Variants in ADGRA2 observed in about 807,000 individuals in gnomAD.
The protein encoded by ADGRA2 is G-protein coupled receptor 124.
In ADGRA2, 61 loss-of-function variants were observed where a neutral mutation model predicts 98.7. The ratio of observed to expected loss-of-function variants is 0.62; its 90% CI spans 0.50 to 0.76. The LOEUF (loss-of-function observed/expected upper bound fraction) is 0.76, where lower values mean the gene tolerates loss of function less well. ADGRA2 is among the 30% of genes least tolerant of loss of function. The pLI is 0.00. For synonymous variants in ADGRA2, 858 were observed against 831.5 expected, an observed-to-expected ratio of 1.03 and a Z score of -0.55; for missense variants, 1,712 against 1,860.0, an observed-to-expected ratio of 0.92 and a Z score of 1.46.
Position 37,797,952 on chromosome 8 carries a change from C to T in ADGRA2, c.266+418C>T, listed in dbSNP as rs543990731. Among the ~76,000 whole-genome samples, 1 of 152,334 alleles carries T rather than the reference C, an allele frequency of 6.6e-6. No individual in the cohort carries two copies. The highest frequency in any genetic ancestry group is 1.9e-4 in the East Asian group (1 of 5,170). On this transcript the variant is annotated intron_variant, in intron 1 of 18. Transcript: ENST00000412232. The surrounding 1 kb of genome is among the most constrained non-coding windows in gnomAD (Gnocchi z 5.3). ...GAGGGGGCTGTGGTCCTAACCACTA[C>T]GGTCGCGTCCCGGACTGGGCTGGAG...
At chr8:37,815,342 C>T (rs1162051073) in intron 2 of ADGRA2, among the ~76,000 whole-genome samples, 1 of 152,246 alleles carries the variant, frequency 6.6e-6, no homozygotes, top group Non-Finnish European at 1.5e-5. Flanking sequence ...TGACTGCGGC[C>T]CTTTTCCGCC....
chr8:37,830,935 G>A lies in ADGRA2; in HGVS notation c.932+12G>A, dbSNP rs781059816. Reference sequence around the variant, plus strand: ...ACCTTCATCACCAGGTATGAGCCCCGCTGCCCCTCCTCAGGCCTCAGCATG... The same window carrying A: ...ACCTTCATCACCAGGTATGAGCCCCACTGCCCCTCCTCAGGCCTCAGCATG... On this transcript the variant is annotated intron_variant, in intron 7 of 18. Coordinates refer to ENST00000412232, the MANE Select transcript of ADGRA2 (RefSeq NM_032777.10). This position sits in a 1 kb window ranked among gnomAD's most constrained non-coding sequence, Gnocchi z 4.8. The A allele has an allele frequency of 4.0e-5, 62 of 1,553,048 alleles. No individual in the cohort carries two copies. The Admixed American group carries it at 4.0e-4, about 10-fold the overall frequency.
rs564724129 is a variant in ADGRA2, at chr8:37,815,189, G to A, written c.338+222G>A. Reference sequence around the variant, plus strand: ...AGAGACCAGCTCCTCTGCCAGCCACGGCGAGAGAAGTGGGGAGCGGGTTCT... The same window carrying A: ...AGAGACCAGCTCCTCTGCCAGCCACAGCGAGAGAAGTGGGGAGCGGGTTCT... On this transcript the variant is annotated intron_variant, in intron 2 of 18. Transcript: ENST00000412232. 1.6e-4 allele frequency among the ~76,000 whole-genome samples: 25 copies of A among 152,332 alleles called. No homozygotes were observed. The South Asian group carries it at 4.8e-3, about 29-fold the overall frequency.
At chr8:37,820,627 T>G (rs532467312) in intron 2 of ADGRA2, among the ~76,000 whole-genome samples, 3 of 152,248 alleles carry the variant, frequency 2.0e-5, no homozygotes, top group Non-Finnish European at 4.4e-5. Flanking sequence ...CCACAGTCTA[T>G]GAGCAGCACG....
At chr8:37,833,567 A>C (rs1563349848) in intron 9 of ADGRA2, 121 bp from the exon 10 acceptor site, 2 of 1,012,764 alleles carry the variant, frequency 2.0e-6, no homozygotes, top group Admixed American at 2.2e-5. Flanking sequence ...TGAGACCCAG[A>C]AGGTAGGCTG....
chr8:37,835,411 G>C lies in ADGRA2; in HGVS notation c.1833+13G>C, dbSNP rs772691765. On this transcript the variant is annotated intron_variant, in intron 12 of 18. Transcript: ENST00000412232. ...CTTCCACATCAAGGTGGGCGCTGGG[G>C]GAGGGAGAGGGGGTGGGAGAAGGGA... is the stretch of plus-strand genomic sequence containing the variant. 2 of 1,601,094 alleles carry C rather than the reference G, an allele frequency of 1.2e-6. No homozygotes were observed. Among genetic ancestry groups the C allele is most frequent in the Admixed American group, 3.3e-5 (2 of 59,794 alleles).
chr8:37,840,289 T>C (rs745527869), intron 17 of ADGRA2, 23 bp downstream of exon 17: 9 of 1,608,764 alleles, frequency 5.6e-6, no homozygotes, highest in South Asian at 2.2e-5. Flanking sequence ...AATTCCAGCT[T>C]TGCAATTGGG....
Position 37,841,775 on chromosome 8 carries a change from T to A in ADGRA2, c.3437T>A (p.Val1146Glu). Residue 1146 changes from valine to glutamate, a missense_variant, in exon 19 of 19, where the codon GTG (valine) becomes GAG (glutamate). Coordinates refer to ENST00000412232, the MANE Select transcript of ADGRA2 (RefSeq NM_032777.10). This position sits in a 1 kb window ranked among gnomAD's most constrained non-coding sequence, Gnocchi z 5.0. ...AACCTGCAGCTGGCCCAGAGTCAGG[T>A]GTGCGAGGCGGGGGCGGCGGCCGGC... ...LTNLQLAQSQ[V>E]CEAGAAAGGE... 1 of 1,536,848 alleles carries A rather than the reference T, an allele frequency of 6.5e-7. No homozygotes were observed.
In ADGRA2 at chr8:37,800,557, C is replaced by T. The variant is rs186580163; in HGVS notation, c.266+3023C>T. 4.0e-4 allele frequency among the ~76,000 whole-genome samples: 61 copies of T among 152,292 alleles called. 1 individual carries two copies. In the East Asian group the frequency reaches 0.011, roughly 28 times the overall value. On this transcript the variant is annotated intron_variant, in intron 1 of 18. Transcript: ENST00000412232. ...TAAGGGAATTCCAGGGAGAGTGCCC[C>T]ATCCCTGCGCTGGGGGAACAGGGGA...
Position 37,802,008 on chromosome 8 carries a change from GTGCCCACCACGCAGGC to G in ADGRA2, c.266+4483_266+4498del, listed in dbSNP as rs1804522260. ...CGGCCTCCCATTCAGGGAAGCGGGG[GTGCCCACCACGCAGGC>G]TGCCCACCTAGGGGAGAAGAGGCTG... is the stretch of plus-strand genomic sequence containing the variant. On this transcript the variant is annotated intron_variant, in intron 1 of 18. Transcript: ENST00000412232. This position sits in a 1 kb window ranked among gnomAD's most constrained non-coding sequence, Gnocchi z 4.7. Among the ~76,000 whole-genome samples, 1 of 152,240 alleles carries G rather than the reference GTGCCCACCACGCAGGC, an allele frequency of 6.6e-6. No homozygotes were observed. Among genetic ancestry groups the G allele is most frequent in the African/African-American group, 2.4e-5 (1 of 41,468 alleles).
intron 1 of ADGRA2, among the ~76,000 whole-genome samples, chr8:37,804,273 A>G (rs1804597644): frequency 6.6e-6 from 1 of 152,184 alleles, no homozygotes; most frequent in Non-Finnish European, 1.5e-5. Flanking sequence ...CATCTCCAGG[A>G]GAAAGGAAGA....
Position 37,830,083 on chromosome 8 carries a change from C to A in ADGRA2, c.718+69C>A. On this transcript the variant is annotated intron_variant, in intron 6 of 18. Transcript: ENST00000412232. This position sits in a 1 kb window ranked among gnomAD's most constrained non-coding sequence, Gnocchi z 4.8. ...TCTCCACCAACCCAGGGCCCAGACA[C>A]GAGCCTCCCCTCAGACCCACAGGTT... 9.5e-7 allele frequency: 1 copy of A among 1,057,116 alleles called. No homozygotes were observed. Among genetic ancestry groups the A allele is most frequent in the Non-Finnish European group, 1.3e-6 (1 of 754,798 alleles). 65.5% of individuals were successfully genotyped at this position (1,057,116 alleles called of 1,614,324 possible).
intron 9 of ADGRA2, 63 bp from the exon 10 acceptor site, chr8:37,833,625 C>T (rs1429075003): frequency 1.3e-6 from 2 of 1,562,588 alleles, no homozygotes; most frequent in Non-Finnish European, 1.8e-6. Flanking sequence ...AGAGGGTCCC[C>T]AGGGGCAGTT....
Position 37,841,172 on chromosome 8 carries a change from G to A in ADGRA2, c.2834G>A (p.Cys945Tyr), listed in dbSNP as rs762863482. 1.6e-5 allele frequency: 25 copies of A among 1,612,888 alleles called. No individual in the cohort carries two copies. In the Admixed American group the frequency reaches 4.2e-4, roughly 27 times the overall value. The change falls in exon 19 of 19, where the codon TGC becomes TAC. Residue 945 changes from cysteine (C) to tyrosine (Y), a missense_variant. Coordinates refer to ENST00000412232, the MANE Select transcript of ADGRA2 (RefSeq NM_032777.10). This position sits in a 1 kb window ranked among gnomAD's most constrained non-coding sequence, Gnocchi z 5.0. ...ILLITWIYFL[C>Y]AGLRLRGPLA... ...CTCATCACCTGGATCTATTTCCTGTGCGCCGGGCTACGCTTACGGGGTCCT... is the reference window on the plus strand; with the variant it reads ...CTCATCACCTGGATCTATTTCCTGTACGCCGGGCTACGCTTACGGGGTCCT...
Position 37,819,528 on chromosome 8 carries a change from C to G in ADGRA2, c.338+4561C>G, listed in dbSNP as rs1364746747. Among the ~76,000 whole-genome samples the G allele has an allele frequency of 2.0e-5, 3 of 152,138 alleles. No homozygotes were observed. The South Asian group carries it at 6.2e-4, about 32-fold the overall frequency. ...GGATTACAGGCACACGCCACCATGC[C>G]CAGCTAATTTTTGTATTTTTAGTAG... On this transcript the variant is annotated intron_variant, in intron 2 of 18. Coordinates refer to ENST00000412232, the MANE Select transcript of ADGRA2 (RefSeq NM_032777.10).
rs1585396872 is a variant in ADGRA2, at chr8:37,829,901, T to C, written c.605T>C (p.Leu202Pro). 6.2e-7 allele frequency: 1 copy of C among 1,613,022 alleles called. No individual in the cohort carries two copies. The highest frequency in any genetic ancestry group is 8.5e-7 in the Non-Finnish European group (1 of 1,179,924). The change falls in exon 6 of 19, where the codon CTG becomes CCG. Residue 202 changes from leucine to proline, a missense_variant. Leu to Pro is a moderately conservative substitution (Grantham distance 98). Coordinates refer to ENST00000412232, the MANE Select transcript of ADGRA2 (RefSeq NM_032777.10). The stretch of plus-strand genomic sequence containing the variant: ...TGTGACTGCCACCTGCGCTGGCTGC[T>C]GCCCTGGGCCCAGAATCGCTCCCTG... ...LTCDCHLRWL[L>P]PWAQNRSLQL...
chr8:37,831,307 C>T, intron 7 of ADGRA2, 116 bp from the exon 8 acceptor site: 1 of 938,168 alleles, frequency 1.1e-6, no homozygotes, highest in South Asian at 1.6e-5. Context: ...ACTTGCATCC[C>T]TTGTTTCATT....
Position 37,844,516 on chromosome 8 carries a change from C to T in ADGRA2, c.*2161C>T. 1 of 1,613,352 alleles carries T rather than the reference C, an allele frequency of 6.2e-7. No homozygotes were observed. On this transcript the variant is annotated 3_prime_UTR_variant, in exon 19 of 19. Transcript: ENST00000412232. ...CAGGGAGGGTTAGGGACACTCGTGG[C>T]AGCCTGTCTAGCAGCCTGGGCTCTC...
At chr8:37,824,187 A>G (rs532297086) in intron 2 of ADGRA2, among the ~76,000 whole-genome samples, 74 of 151,714 alleles carry the variant, frequency 4.9e-4, no homozygotes, top group Non-Finnish European at 9.6e-4. Context: ...ATGCGCCACC[A>G]CGCCCAGCTA....
Sources: gnomAD v4.1 joint callset for allele counts (sites outside exome capture counted in the v4.1 genomes callset) on GRCh38, gnomAD v4.1.1 for gene constraint, Gnocchi (gnomAD v3.1) non-coding constraint, MANE v1.5 for transcripts, NCBI Gene and HGNC (gene_info 2026-07-23, HGNC 2026-07-21) for gene names.